Variants in ANKMY2 observed in about 807,000 individuals in gnomAD.
ANKMY2 encodes ankyrin repeat and MYND domain containing 2.
In ANKMY2, 36 loss-of-function variants were observed where a neutral mutation model predicts 50.4. The observed-to-expected ratio is 0.71, with a 90% CI of 0.55 to 0.94. ANKMY2 has a LOEUF of 0.94. ANKMY2 is among the 40% of genes least tolerant of loss of function. ANKMY2 has a pLI of 0.00. For missense variants in ANKMY2, 565 were observed against 524.0 expected (o/e 1.08, Z -0.76); for synonymous variants, 187 against 178.8 (o/e 1.05, Z -0.36).
At chr7:16,627,513 A>C (rs1301352303) in intron 2 of ANKMY2, among the ~76,000 whole-genome samples, 16 of 152,230 alleles carry the variant, frequency 1.1e-4, no homozygotes, top group African/African-American at 2.4e-5. Context: ...AACAGATACA[A>C]ACATATTTTT....
chr7:16,627,992 G>A (rs1179756866), intron 2 of ANKMY2, among the ~76,000 whole-genome samples: 1 of 152,190 alleles, frequency 6.6e-6, no homozygotes, highest in Non-Finnish European at 1.5e-5. Flanking sequence ...TATATATATG[G>A]AAAAATGGTT....
rs555191988 is a variant in ANKMY2, at chr7:16,631,444, C to G, written c.133-4266G>C. The stretch of plus-strand genomic sequence containing the variant: ...ATAAATGAGTTGAGTATCTTCCCAT[C>G]TTTTTCTAAACTAATGGTATAATTA... On this transcript the variant is annotated intron_variant, in intron 2 of 9. Coordinates refer to ENST00000306999, the MANE Select transcript of ANKMY2 (RefSeq NM_020319.3). Among the ~76,000 whole-genome samples, 9 of 152,252 alleles carry G rather than the reference C, an allele frequency of 5.9e-5. No homozygotes were observed. The South Asian group carries it at 1.9e-3, about 32-fold the overall frequency.
At chr7:16,610,398 A>G in intron 6 of ANKMY2, 151 bp downstream of exon 6, 1 of 640,408 alleles carries the variant, frequency 1.6e-6, no homozygotes, top group Admixed American at 3.0e-5. Context: ...TAAGTATAAT[A>G]TTATTCTCTG....
chr7:16,638,475 T>G (rs1781699862), intron 1 of ANKMY2, among the ~76,000 whole-genome samples: 1 of 152,214 alleles, frequency 6.6e-6, no homozygotes, highest in Admixed American at 6.5e-5. Context: ...GCAAGGTATG[T>G]GGCACTTGGC....
intron 1 of ANKMY2, among the ~76,000 whole-genome samples, chr7:16,640,689 T>G (rs914500372): frequency 6.6e-5 from 10 of 151,988 alleles, no homozygotes; most frequent in African/African-American, 2.4e-4. Context: ...ACCCAGCTAA[T>G]TTTTACATTT....
chr7:16,618,063 G>A (rs1336116044), intron 4 of ANKMY2, among the ~76,000 whole-genome samples: 1 of 151,888 alleles, frequency 6.6e-6, no homozygotes, highest in African/African-American at 2.4e-5. Context: ...AAGTAGCTGA[G>A]ACTACAGGTG....
intron 4 of ANKMY2, among the ~76,000 whole-genome samples, chr7:16,618,421 C>A (rs79948962): frequency 0.22 from 33,073 of 151,938 alleles, 4,202 homozygotes; most frequent in Middle Eastern, 0.3. Flanking sequence ...AATTAACAGA[C>A]ATCTCAAAGG....
At chr7:16,637,210 A>G (rs1781675332) in intron 1 of ANKMY2, among the ~76,000 whole-genome samples, 1 of 152,236 alleles carries the variant, frequency 6.6e-6, no homozygotes. Context: ...GAAGAATGAA[A>G]TTGAATGTGC....
chr7:16,601,788 A>C (rs1319368803), intron 9 of ANKMY2, among the ~76,000 whole-genome samples: 2 of 152,214 alleles, frequency 1.3e-5, no homozygotes, highest in Admixed American at 1.3e-4. Flanking sequence ...CCAATCTGAT[A>C]ATCACTGCTG....
At chr7:16,627,288 G>T (rs1781519986) in intron 2 of ANKMY2, 110 bp from the exon 3 acceptor site, 7 of 612,988 alleles carry the variant, frequency 1.1e-5, no homozygotes, top group Non-Finnish European at 1.5e-5. Flanking sequence ...AATTAAAATG[G>T]TCATTATAAT....
chr7:16,619,838 TACA>T (rs1200527684), intron 4 of ANKMY2, among the ~76,000 whole-genome samples: 11 of 152,286 alleles, frequency 7.2e-5, no homozygotes. Flanking sequence ...AACACACACA[TACA>T]ACAAGACGTA....
intron 1 of ANKMY2, among the ~76,000 whole-genome samples, chr7:16,637,859 G>C (rs1583685731): frequency 6.6e-6 from 1 of 152,208 alleles, no homozygotes; most frequent in Non-Finnish European, 1.5e-5. Context: ...TTGCAAGAAA[G>C]GGAGAATACT....
Position 16,609,835 on chromosome 7 carries a change from G to A in ANKMY2, c.747-70C>T, listed in dbSNP as rs1781218989. Reference sequence around the variant, plus strand: ...CATTCTCTCCTAGTTGAACCCAACAGTTTTTAGTAGTTTCTTCTGTTACTT... The same window carrying A: ...CATTCTCTCCTAGTTGAACCCAACAATTTTTAGTAGTTTCTTCTGTTACTT... On this transcript the variant is annotated intron_variant, in intron 6 of 9. Transcript: ENST00000306999. The A allele has an allele frequency of 3.9e-6, 6 of 1,519,770 alleles. No homozygotes were observed. In the East Asian group the frequency reaches 1.4e-4, roughly 36 times the overall value. 94.1% of individuals were successfully genotyped at this position (1,519,770 alleles called of 1,614,324 possible).
chr7:16,619,009 G>T (rs1781397049), intron 4 of ANKMY2, among the ~76,000 whole-genome samples: 1 of 152,162 alleles, frequency 6.6e-6, no homozygotes, highest in South Asian at 2.1e-4. Context: ...AGAAAAATAA[G>T]GAATTAGCTT....
intron 4 of ANKMY2, among the ~76,000 whole-genome samples, chr7:16,622,311 G>T (rs1259061687): frequency 6.6e-6 from 1 of 152,192 alleles, no homozygotes. Context: ...CATAAATAAT[G>T]AGGGGAAAGT....
At position 16,616,569 on chromosome 7, in the gene ANKMY2, G is replaced by A. The variant is rs564249676; in HGVS notation, c.371-665C>T. Among the ~76,000 whole-genome samples, 29 of 99,406 alleles carry A rather than the reference G, an allele frequency of 2.9e-4. No individual in the cohort carries two copies. In the East Asian group the frequency reaches 6.4e-3, roughly 22 times the overall value. The allele number at this position is 99,406 out of a possible 152,430, so 65.2% of individuals were successfully genotyped here. A position where few individuals can be genotyped will look rare whatever the true frequency, so the allele number is the denominator to read the frequency against. ...TGCTGGTTTGCAAGTGTGCTCCTGC[G>A]GCGCCCCCCCCTCCCTAGCTCCCTC... On this transcript the variant is annotated intron_variant, in intron 4 of 9. Coordinates refer to ENST00000306999, the MANE Select transcript of ANKMY2 (RefSeq NM_020319.3).
At chr7:16,644,160 G>A (rs771788138) in intron 1 of ANKMY2, among the ~76,000 whole-genome samples, 2 of 152,210 alleles carry the variant, frequency 1.3e-5, no homozygotes, top group Non-Finnish European at 2.9e-5. Flanking sequence ...GAACTTGCAT[G>A]TTTGCTTAAT....
intron 2 of ANKMY2, among the ~76,000 whole-genome samples, chr7:16,631,493 C>A (rs1426027846): frequency 1.3e-5 from 2 of 151,978 alleles, no homozygotes; most frequent in Non-Finnish European, 2.9e-5. Context: ...ATTAACTGGT[C>A]CTTAAAGTTT....
At position 16,627,140 on chromosome 7, in the gene ANKMY2, T is replaced by C. The variant is rs1257860743; in HGVS notation, c.171A>G (p.Gly57=). The change falls in exon 3 of 10, where the codon GGA becomes GGG. Residue 57 remains glycine, a synonymous_variant. Transcript: ENST00000306999. The part of the protein sequence containing the change: ...MTPLMHAAYK[G]KLDMCKLLLR... ...GTAGTAATTTGCACATATCGAGTTT[T>C]CCTTTATATGCTGCATGCATTAGAG... 1.2e-6 allele frequency: 2 copies of C among 1,608,054 alleles called. No homozygotes were observed. The highest frequency in any genetic ancestry group is 1.3e-5 in the African/African-American group (1 of 74,816).
Sources: gnomAD v4.1 joint callset for allele counts (sites outside exome capture counted in the v4.1 genomes callset) on GRCh38, gnomAD v4.1.1 for gene constraint, MANE v1.5 for transcripts, NCBI Gene and HGNC (gene_info 2026-07-23, HGNC 2026-07-21) for gene names.